PPP1R14D: variants seen among roughly 807,000 people sequenced by gnomAD.
PPP1R14D encodes the protein protein phosphatase 1 regulatory inhibitor subunit 14D, also known as protein phosphatase 1 regulatory subunit 14D.
PPP1R14D carries 14 observed loss-of-function variants against 17.1 expected under a neutral mutation model. The observed-to-expected ratio is 0.82, with a 90% CI of 0.54 to 1.28. The LOEUF (loss-of-function observed/expected upper bound fraction) is 1.28. Ranked by LOEUF, PPP1R14D falls within the 50% of genes most tolerant of loss-of-function variation. The probability of loss-of-function intolerance (pLI) is 0.00; values close to 1 mark genes in which losing one functional copy is unlikely to be tolerated. For synonymous variants in PPP1R14D, 67 were observed against 66.1 expected, an observed-to-expected ratio of 1.01 and a Z score of -0.06; for missense variants, 173 against 179.2, an observed-to-expected ratio of 0.97 and a Z score of 0.20.
chr15:40,817,185 C>T (rs753315322), intron 1 of PPP1R14D: 21 of 233,778 alleles, frequency 9.0e-5, no homozygotes, highest in Admixed American at 2.9e-4. Flanking sequence ...GGTAAAACCC[C>T]GTCTCTACTG....
intron 1 of PPP1R14D, among the ~76,000 whole-genome samples, chr15:40,819,007 C>T (rs1329451894): frequency 2.6e-5 from 4 of 151,954 alleles, no homozygotes; most frequent in Non-Finnish European, 5.9e-5. Flanking sequence ...TGTCTGTGAA[C>T]CTAAAACTGC....
At chr15:40,818,947 T>A (rs541563281) in intron 1 of PPP1R14D, among the ~76,000 whole-genome samples, 38 of 152,144 alleles carry the variant, frequency 2.5e-4, no homozygotes, top group Admixed American at 1.4e-3. Flanking sequence ...AAGCTATACA[T>A]ATGTGGCGGC....
Position 40,827,214 on chromosome 15 carries a change from T to G in PPP1R14D, c.255+1173A>C, listed in dbSNP as rs7163613. On this transcript the variant is annotated intron_variant, in intron 1 of 3. Transcript: ENST00000299174. The stretch of plus-strand genomic sequence containing the variant: ...ACATGGGGCTATTTAACACTTGAGA[T>G]GTGGCCCATGTTGGCTGGGTGCGGT... 3.1e-3 allele frequency among the ~76,000 whole-genome samples: 473 copies of G among 152,332 alleles called. 3 individuals carry two copies. Among genetic ancestry groups the G allele is most frequent in the African/African-American group, 0.011 (451 of 41,576 alleles).
intron 1 of PPP1R14D, among the ~76,000 whole-genome samples, chr15:40,820,567 A>G (rs1280177107): frequency 6.6e-6 from 1 of 151,844 alleles, no homozygotes; most frequent in African/African-American, 2.4e-5. Context: ...AAAAGAAAGA[A>G]TCAGGCCAGG....
chr15:40,825,565 T>G (rs73398596), intron 1 of PPP1R14D, among the ~76,000 whole-genome samples: 2,600 of 152,208 alleles, frequency 0.017, 67 homozygotes, highest in African/African-American at 0.06. Context: ...ATTAAACAAG[T>G]AGAGTGTTGT....
chr15:40,818,306 A>C (rs960918295), intron 1 of PPP1R14D, among the ~76,000 whole-genome samples: 3 of 151,334 alleles, frequency 2.0e-5, no homozygotes, highest in Admixed American at 6.6e-5. Flanking sequence ...AAAAAAAAAA[A>C]AAAAAACCAC....
intron 1 of PPP1R14D, among the ~76,000 whole-genome samples, chr15:40,828,050 T>C (rs773468707): frequency 2.0e-5 from 3 of 152,116 alleles, no homozygotes; most frequent in Non-Finnish European, 4.4e-5. Flanking sequence ...AGATATAAAA[T>C]TTTGAAACAT....
chr15:40,815,482 GC>G lies in PPP1R14D; in HGVS notation c.*213del. 1 of 591,058 alleles carries G rather than the reference GC, an allele frequency of 1.7e-6. No individual in the cohort carries two copies. Among genetic ancestry groups the G allele is most frequent in the Admixed American group, 3.1e-5 (1 of 31,962 alleles). 36.6% of individuals were successfully genotyped at this position (591,058 alleles called of 1,614,324 possible). A position where few individuals can be genotyped will look rare whatever the true frequency, so the allele number is the denominator to read the frequency against. On this transcript the variant is annotated 3_prime_UTR_variant, in exon 4 of 4. Coordinates refer to ENST00000299174, the MANE Select transcript of PPP1R14D (RefSeq NM_017726.8). ...TCCTAAAGGTTTTATCCACTTGGCT[GC>G]CAAGGAAGGCATTGGACAACAGCCA...
At chr15:40,828,313 C>T in intron 1 of PPP1R14D, 74 bp downstream of exon 1, 1 of 1,500,432 alleles carries the variant, frequency 6.7e-7, no homozygotes, top group Non-Finnish European at 8.9e-7. Context: ...AGCCCTCCAG[C>T]TCCTGTGAAG....
intron 1 of PPP1R14D, among the ~76,000 whole-genome samples, chr15:40,827,107 T>C (rs936939137): frequency 8.5e-5 from 13 of 152,254 alleles, no homozygotes; most frequent in Admixed American, 2.0e-4. Flanking sequence ...TTGGTTACTC[T>C]TAACATTCTA....
intron 1 of PPP1R14D, among the ~76,000 whole-genome samples, chr15:40,822,403 C>T (rs972084691): frequency 4.0e-5 from 6 of 150,628 alleles, no homozygotes; most frequent in African/African-American, 1.5e-4. Flanking sequence ...AATCCCAACA[C>T]TTTGAAAGGC....
intron 1 of PPP1R14D, chr15:40,817,352 C>CA (rs578000701): frequency 0.016 from 943 of 60,372 alleles, 6 homozygotes; most frequent in South Asian, 0.062. Context: ...AAGACTCTGT[C>CA]AAAAAAAAAA....
chr15:40,816,062 C>G, intron 2 of PPP1R14D, 68 bp from the exon 3 acceptor site: 1 of 1,604,780 alleles, frequency 6.2e-7, no homozygotes, highest in Admixed American at 1.7e-5. Context: ...CACCAATCTC[C>G]CAAGAATTCT....
intron 1 of PPP1R14D, among the ~76,000 whole-genome samples, chr15:40,823,176 C>T (rs574072338): frequency 6.6e-6 from 1 of 152,030 alleles, no homozygotes; most frequent in Admixed American, 6.6e-5. Context: ...GTTGGCCAGG[C>T]TGGTCTCTAA....
At chr15:40,826,992 C>T (rs546476173) in intron 1 of PPP1R14D, among the ~76,000 whole-genome samples, 15 of 152,248 alleles carry the variant, frequency 9.9e-5, no homozygotes, top group Admixed American at 2.0e-4. Flanking sequence ...GTGCCGTTTC[C>T]AGTAACCAGG....
At chr15:40,819,594 G>A (rs1890735470) in intron 1 of PPP1R14D, among the ~76,000 whole-genome samples, 1 of 151,278 alleles carries the variant, frequency 6.6e-6, no homozygotes, top group Non-Finnish European at 1.5e-5. Context: ...ACCTCCGAAA[G>A]AGTTCTTGGG....
intron 1 of PPP1R14D, among the ~76,000 whole-genome samples, chr15:40,828,024 A>G (rs796669007): frequency 5.9e-5 from 9 of 152,324 alleles, no homozygotes; most frequent in African/African-American, 2.2e-4. Flanking sequence ...TGTGCATTGA[A>G]CATGGGAGTA....
At chr15:40,827,679 G>C (rs1287860084) in intron 1 of PPP1R14D, among the ~76,000 whole-genome samples, 1 of 152,114 alleles carries the variant, frequency 6.6e-6, no homozygotes, top group Non-Finnish European at 1.5e-5. Flanking sequence ...CCAGCACTTT[G>C]AGAGGCCGAG....
rs867834561 is a variant in PPP1R14D, at chr15:40,828,407, G to T, written c.235C>A (p.Gln79Lys). The change falls in exon 1 of 4, where the codon CAA becomes AAA. Residue 79 changes from glutamine (Q) to lysine (K), a missense_variant. Transcript: ENST00000299174. ...CCTACCTGGAAGAGCTCCTGAACTT[G>T]AGCATCCACCCATTGCTCCATCTCC... is the stretch of plus-strand genomic sequence containing the variant. ...WLEMEQWVDA[Q>K]VQELFQDQAT... 6.2e-7 allele frequency: 1 copy of T among 1,606,428 alleles called. No individual in the cohort carries two copies. Among genetic ancestry groups the T allele is most frequent in the East Asian group, 2.2e-5 (1 of 44,826 alleles).
Sources: allele counts gnomAD v4.1 joint callset (sites outside exome capture counted in the v4.1 genomes callset), GRCh38; gene constraint gnomAD v4.1.1; transcripts MANE v1.5; gene names NCBI Gene and HGNC (gene_info 2026-07-23, HGNC 2026-07-21).